The following C3 variants were observed in gnomAD, a reference collection of about 807,000 sequenced individuals.
The protein encoded by C3 is C3 and PZP-like alpha-2-macroglobulin domain-containing protein 1.
In C3, 97 loss-of-function variants were observed where a neutral mutation model predicts 207.9. The ratio of observed to expected loss-of-function variants is 0.47; its 90% CI spans 0.40 to 0.55. The LOEUF is 0.55. Among genes scored for constraint, C3 ranks in the 20% least tolerant of loss-of-function variants. The pLI, the probability that C3 is intolerant of heterozygous loss-of-function variation, is 0.00. For synonymous variants in C3, 848 were observed against 857.6 expected (o/e 0.99, Z 0.20); for missense variants, 1,684 against 2,171.7 (o/e 0.78, Z 4.46).
At position 6,693,598 on chromosome 19, in the gene C3, G is replaced by A; in HGVS notation, c.3155-111C>T. 5 of 917,358 alleles carry A rather than the reference G, an allele frequency of 5.5e-6. No individual in the cohort carries two copies. The South Asian group carries it at 7.0e-5, about 13-fold the overall frequency. The allele number at this position is 917,358 out of a possible 1,614,324, so 56.8% of individuals were successfully genotyped here. Reference sequence around the variant, plus strand: ...GGGGACAGGGGCTCAGGGTGGCGGAGGGGTTCTGGGAGGAGGGGACCTTAA... The same window carrying A: ...GGGGACAGGGGCTCAGGGTGGCGGAAGGGTTCTGGGAGGAGGGGACCTTAA... On this transcript the variant is annotated intron_variant, in intron 24 of 40. Coordinates refer to ENST00000245907, the MANE Select transcript of C3 (RefSeq NM_000064.4).
chr19:6,689,320 T>TCTACCTCC (rs1918095235), intron 27 of C3, among the ~76,000 whole-genome samples: 3 of 72,344 alleles, frequency 4.1e-5, no homozygotes, highest in Admixed American at 1.7e-4. Flanking sequence ...TCTCTCTCTC[T>TCTACCTCC]CTACCTACCT....
At chr19:6,695,205 G>A (rs540053605) in intron 23 of C3, among the ~76,000 whole-genome samples, 4 of 151,542 alleles carry the variant, frequency 2.6e-5, no homozygotes, top group Admixed American at 2.6e-4. Flanking sequence ...GGGAGGCTGG[G>A]GTTGCAGTGA....
At chr19:6,698,010 ATTATTATTATTATTAT>A (rs1967577392) in intron 19 of C3, among the ~76,000 whole-genome samples, 4 of 91,182 alleles carry the variant, frequency 4.4e-5, no homozygotes, top group Non-Finnish European at 1.2e-4. Context: ...TATTATTATT[ATTATTATTATTATTAT>A]TAATTATTTG....
rs544958044 is a variant in C3 at position 6,692,447 on chromosome 19, G to A, written c.3390+477C>T. 5.3e-5 allele frequency among the ~76,000 whole-genome samples: 8 copies of A among 151,316 alleles called. No homozygotes were observed. The East Asian group carries it at 9.7e-4, about 18-fold the overall frequency. On this transcript the variant is annotated intron_variant, in intron 26 of 40. Coordinates refer to ENST00000245907, the MANE Select transcript of C3 (RefSeq NM_000064.4). The stretch of plus-strand genomic sequence containing the variant: ...AATCACCCCAACTGCTATGTGGTGA[G>A]TGTCTGAGAGCCAACAAAAGTGGGA...
At chr19:6,688,010 C>T (rs1918054446) in intron 27 of C3, among the ~76,000 whole-genome samples, 1 of 151,862 alleles carries the variant, frequency 6.6e-6, no homozygotes, top group South Asian at 2.1e-4. Flanking sequence ...GCGTCCGCCA[C>T]CGCGCCCGGC....
chr19:6,697,293 C>T (rs1967558908), intron 21 of C3, 51 bp downstream of exon 21: 2 of 1,369,218 alleles, frequency 1.5e-6, no homozygotes, highest in East Asian at 2.3e-5. Context: ...AGTACGAAGA[C>T]CAGGAGCCCT....
intron 11 of C3, among the ~76,000 whole-genome samples, 167 bp from the exon 12 acceptor site, chr19:6,711,363 C>A (rs940255916): frequency 6.6e-6 from 1 of 152,110 alleles, no homozygotes; most frequent in African/African-American, 2.4e-5. Context: ...GTAGGTGGAG[C>A]TAATGTAATC....
chr19:6,684,887 C>T (rs899062854), intron 30 of C3, 53 bp from the exon 31 acceptor site: 7 of 1,608,492 alleles, frequency 4.4e-6, no homozygotes, highest in Non-Finnish European at 6.0e-6. Context: ...CCTTCTGCTG[C>T]CTGTGATGGT....
intron 31 of C3, 26 bp from the exon 32 acceptor site, chr19:6,684,676 A>G (rs1917953733): frequency 5.0e-6 from 8 of 1,604,414 alleles, no homozygotes; most frequent in Middle Eastern, 1.7e-4. Flanking sequence ...AGGAGACACA[A>G]TGTCAGCCCA....
intron 19 of C3, among the ~76,000 whole-genome samples, chr19:6,699,183 G>A (rs542016992): frequency 2.0e-5 from 3 of 151,744 alleles, no homozygotes; most frequent in African/African-American, 7.2e-5. Flanking sequence ...AAACGTTTAA[G>A]TATTTTTGCA....
rs1967906578 is a variant in C3, at chr19:6,710,803, G to C, written c.1522C>G (p.Arg508Gly). The change falls in exon 13 of 41, where the codon CGA (arginine) becomes GGA (glycine). Residue 508 changes from arginine (R) to glycine (G), a missense_variant. Around this residue, in one of 3 missense-constraint regions of C3, gnomAD observed 1,280 missense variants for 1,739.1 expected, o/e 0.74. Transcript: ENST00000245907. The stretch of plus-strand genomic sequence containing the variant: ...ACCACCAGGTCCTGGCCGGGCTCTC[G>C]CACCTGGCGTCCCGCCTTCAACAGC... Reference protein sequence around the residue: ...GRLLKAGRQVREPGQDLVVLP... With the variant: ...GRLLKAGRQVGEPGQDLVVLP... The C allele has an allele frequency of 9.9e-6, 16 of 1,613,950 alleles. No homozygotes were observed. The highest frequency in any genetic ancestry group is 1.1e-5 in the Non-Finnish European group (13 of 1,180,018).
chr19:6,704,692 G>A (rs1358232382), intron 17 of C3, among the ~76,000 whole-genome samples: 1 of 152,120 alleles, frequency 6.6e-6, no homozygotes, highest in African/African-American at 2.4e-5. Flanking sequence ...ACGGGAGGCG[G>A]AGGTTGTAGT....
At chr19:6,678,051 G>GGGGCGTGGTGT in intron 40 of C3, 28 bp from the exon 41 acceptor site, 1 of 1,614,184 alleles carries the variant, frequency 6.2e-7, no homozygotes, top group Non-Finnish European at 8.5e-7. Flanking sequence ...AGGTCAGGAA[G>GGGGCGTGGTGT]GGGCGTGGTG....
At chr19:6,707,954 G>T in intron 14 of C3, 25 bp from the exon 15 acceptor site, 1 of 1,612,464 alleles carries the variant, frequency 6.2e-7, no homozygotes. Context: ...GGGGTGGCGG[G>T]ACGCAGGGAG....
chr19:6,713,818 GCCCCACCCCCAGCCCCCCACCTT>G, intron 7 of C3, 151 bp downstream of exon 7: 2 of 135,606 alleles, frequency 1.5e-5, no homozygotes, highest in Admixed American at 2.4e-4. Context: ...CCCTCACCTT[GCCCCACCCCCAGCCCCCCACCTT>G]CCCCACCCCC....
At position 6,690,971 on chromosome 19, in the gene C3, C is replaced by G. The variant is rs3745565; in HGVS notation, c.3391-244G>C. ...TACAACGGTCTGATCCATTGTAAAA[C>G]CAGACACAGGCTCTAGCCCTCACAG... On this transcript the variant is annotated intron_variant, in intron 26 of 40. Coordinates refer to ENST00000245907, the MANE Select transcript of C3 (RefSeq NM_000064.4). Among the ~76,000 whole-genome samples the G allele has an allele frequency of 0.11, 16,018 of 152,022 alleles. 1,010 individuals are homozygous for G. The highest frequency in any genetic ancestry group is 0.13 in the Non-Finnish European group (8,524 of 67,958).
At chr19:6,696,278 G>A (rs925171148) in intron 23 of C3, 101 bp downstream of exon 23, 85 of 733,506 alleles carry the variant, frequency 1.2e-4, no homozygotes, top group Admixed American at 5.6e-4. Flanking sequence ...TAGCTGAAGG[G>A]GAAGAGAAAG....
chr19:6,702,255 C>T, intron 18 of C3, 43 bp from the exon 19 acceptor site: 1 of 1,305,168 alleles, frequency 7.7e-7, no homozygotes, highest in Non-Finnish European at 1.1e-6. Context: ...TGTCATCTAG[C>T]AGGGTGGTAG....
intron 14 of C3, among the ~76,000 whole-genome samples, chr19:6,708,169 C>T (rs1967824311): frequency 6.6e-6 from 1 of 151,396 alleles, no homozygotes; most frequent in Non-Finnish European, 1.5e-5. Context: ...TGGAGTCTTG[C>T]TCTGTCACCC....
Sources: gnomAD v4.1 joint callset for allele counts (sites outside exome capture counted in the v4.1 genomes callset) on GRCh38, gnomAD v4.1.1 for gene constraint, gnomAD v4.1.1 regional missense constraint, MANE v1.5 for transcripts, NCBI Gene and HGNC (gene_info 2026-07-23, HGNC 2026-07-21) for gene names.